Variants in NEMF observed in about 807,000 individuals in gnomAD.
NEMF encodes nuclear export mediator factor.
Under a neutral mutation model 162.2 loss-of-function variants are expected in NEMF, and 89 were observed. The observed-to-expected ratio is 0.55, with a 90% CI of 0.46 to 0.65. The LOEUF is 0.65. Ranked by LOEUF, NEMF falls within the 30% of genes least tolerant of loss-of-function variation. The pLI is 0.00. For missense variants in NEMF, 1,133 were observed against 1,261.9 expected (o/e 0.90, Z 1.55); for synonymous variants, 421 against 404.5 (o/e 1.04, Z -0.49).
Position 49,834,389 on chromosome 14 carries a change from T to G in NEMF, c.635A>C (p.Lys212Thr). The G allele has an allele frequency of 6.2e-7, 1 of 1,607,986 alleles. No homozygotes were observed. Among genetic ancestry groups the G allele is most frequent in the Non-Finnish European group, 8.5e-7 (1 of 1,174,344 alleles). Residue 212 changes from lysine (K) to threonine (T), a missense_variant, in exon 7 of 33, where the codon AAA (lysine) becomes ACA (threonine). This residue lies in a region of NEMF where 582 missense variants were observed against 631.5 expected (regional missense o/e 0.92). Coordinates refer to ENST00000298310, the MANE Select transcript of NEMF (RefSeq NM_004713.6). Reference protein sequence around the residue: ...LLENGFSGNVKVDEKLETKDI... With the variant: ...LLENGFSGNVTVDEKLETKDI... ...TTTAGTTTCAAGTTTTTCATCCACTTTGACATTACCCGAGAATCCATTTTC... is the reference window on the plus strand; with the variant it reads ...TTTAGTTTCAAGTTTTTCATCCACTGTGACATTACCCGAGAATCCATTTTC...
chr14:49,822,929 T>TA (rs1345990553), intron 16 of NEMF, among the ~76,000 whole-genome samples: 1 of 120,090 alleles, frequency 8.3e-6, no homozygotes, highest in Non-Finnish European at 1.6e-5. Flanking sequence ...AGAGTCCCCT[T>TA]AGAGATTTTT....
rs774339724 is a variant in NEMF, at chr14:49,832,135, C to T, written c.807-9G>A. On this transcript the variant is annotated splice_polypyrimidine_tract_variant and intron_variant, in intron 9 of 32. Coordinates refer to ENST00000298310, the MANE Select transcript of NEMF (RefSeq NM_004713.6). ...GATGAAATTCCTCATACCTGTAAAACATATTTATTATATCACATTCGAGAA... is the reference window on the plus strand; with the variant it reads ...GATGAAATTCCTCATACCTGTAAAATATATTTATTATATCACATTCGAGAA... 22 of 1,602,178 alleles carry T rather than the reference C, an allele frequency of 1.4e-5. No homozygotes were observed. The highest frequency in any genetic ancestry group is 1.7e-4 in the Middle Eastern group (1 of 6,008).
chr14:49,784,753 T>C (rs747800170), intron 32 of NEMF, 40 bp from the exon 33 acceptor site: 6 of 1,529,172 alleles, frequency 3.9e-6, no homozygotes, highest in South Asian at 1.2e-5. Context: ...ACATCCTGTA[T>C]GGTCAATCAT....
chr14:49,852,225 T>C (rs1893813888), intron 1 of NEMF, among the ~76,000 whole-genome samples: 1 of 152,082 alleles, frequency 6.6e-6, no homozygotes, highest in African/African-American at 2.4e-5. Flanking sequence ...CTCACAGGGC[T>C]GAATAATAGA....
chr14:49,787,197 CTTAATTTTG>C (rs1460449246), intron 28 of NEMF: 1 of 163,966 alleles, frequency 6.1e-6, no homozygotes, highest in African/African-American at 2.4e-5. Context: ...ATAAAATATG[CTTAATTTTG>C]TTTGCTTAAG....
chr14:49,788,276 C>CAAAAAAAAAAAAAAAAA (rs35896786), intron 28 of NEMF, among the ~76,000 whole-genome samples: 1 of 78,562 alleles, frequency 1.3e-5, no homozygotes, highest in Non-Finnish European at 2.3e-5. Context: ...AAGACTGCCT[C>CAAAAAAAAAAAAAAAAA]AAAAAAAAAA....
intron 29 of NEMF, 53 bp from the exon 30 acceptor site, chr14:49,785,373 A>C: frequency 8.2e-7 from 1 of 1,223,814 alleles, no homozygotes; most frequent in Non-Finnish European, 1.2e-6. Flanking sequence ...CCTTTACAAA[A>C]AATGCTAAAA....
intron 18 of NEMF, among the ~76,000 whole-genome samples, chr14:49,806,821 A>C (rs1891239573): frequency 6.6e-6 from 1 of 152,220 alleles, no homozygotes; most frequent in Admixed American, 6.5e-5. Flanking sequence ...ATGAACATGA[A>C]GAGCATATAT....
intron 18 of NEMF, among the ~76,000 whole-genome samples, chr14:49,812,001 C>T (rs1891502427): frequency 6.6e-6 from 1 of 152,038 alleles, no homozygotes; most frequent in African/African-American, 2.4e-5. Flanking sequence ...TGGCATTCAA[C>T]CTTCTTTATA....
At chr14:49,823,653 A>G (rs930970397) in intron 16 of NEMF, among the ~76,000 whole-genome samples, 2 of 152,190 alleles carry the variant, frequency 1.3e-5, no homozygotes, top group Non-Finnish European at 2.9e-5. Flanking sequence ...GAAGGAAAAG[A>G]AAAAAGAAAG....
intron 26 of NEMF, among the ~76,000 whole-genome samples, chr14:49,793,006 T>A (rs753745447): frequency 1.3e-4 from 20 of 152,004 alleles, no homozygotes; most frequent in Non-Finnish European, 2.8e-4. Flanking sequence ...AAGAATGCAA[T>A]AGACACAGAA....
intron 16 of NEMF, among the ~76,000 whole-genome samples, chr14:49,822,445 T>G (rs1352724985): frequency 6.7e-6 from 1 of 149,930 alleles, no homozygotes; most frequent in Non-Finnish European, 1.5e-5. Flanking sequence ...CCCTTGAGCC[T>G]GGGAGGTGAA....
intron 5 of NEMF, among the ~76,000 whole-genome samples, chr14:49,839,009 G>A (rs1305170642): frequency 6.6e-6 from 1 of 152,158 alleles, no homozygotes; most frequent in Non-Finnish European, 1.5e-5. Context: ...AATTAGCAGA[G>A]GGTGGGGGTG....
intron 28 of NEMF, among the ~76,000 whole-genome samples, chr14:49,787,881 C>A (rs947536008): frequency 1.3e-5 from 2 of 152,066 alleles, no homozygotes; most frequent in Non-Finnish European, 2.9e-5. Context: ...GTAAGCATTA[C>A]CTGCACTAAA....
chr14:49,852,663 C>G (rs1282805793), intron 1 of NEMF, 32 bp downstream of exon 1: 4 of 1,612,980 alleles, frequency 2.5e-6, no homozygotes, highest in Non-Finnish European at 3.4e-6. Flanking sequence ...CCTGCACTCC[C>G]CACACGAGCC....
chr14:49,808,128 T>A (rs568988057), intron 18 of NEMF, among the ~76,000 whole-genome samples: 52 of 152,178 alleles, frequency 3.4e-4, no homozygotes, highest in South Asian at 2.5e-3. Context: ...ATTCTGTGGG[T>A]TGTCTTTTTA....
chr14:49,824,694 G>A (rs541613116), intron 16 of NEMF, among the ~76,000 whole-genome samples: 2 of 152,084 alleles, frequency 1.3e-5, no homozygotes, highest in African/African-American at 4.8e-5. Flanking sequence ...CTCCCAGAGT[G>A]CTGAGATTAC....
At chr14:49,806,230 G>GTATATGTATA (rs1219496185) in intron 18 of NEMF, 97 bp from the exon 19 acceptor site, 1 of 104,312 alleles carries the variant, frequency 9.6e-6, no homozygotes, top group African/African-American at 1.6e-4. Flanking sequence ...TCAATGATAT[G>GTATATGTATA]TGTATATATA....
intron 15 of NEMF, 106 bp from the exon 16 acceptor site, chr14:49,826,061 A>C: frequency 1.6e-6 from 1 of 622,738 alleles, no homozygotes. Context: ...AAAATGGCAC[A>C]ATCTACACAC....
Sources: allele counts gnomAD v4.1 joint callset (sites outside exome capture counted in the v4.1 genomes callset), GRCh38; gene constraint gnomAD v4.1.1; regional missense constraint gnomAD v4.1.1; transcripts MANE v1.5; gene names NCBI Gene and HGNC (gene_info 2026-07-23, HGNC 2026-07-21).